The following VPS13B variants were observed in gnomAD, a reference collection of about 807,000 sequenced individuals.
VPS13B encodes vacuolar protein sorting 13 homolog B, also known as intermembrane lipid transfer protein VPS13B.
Under a neutral mutation model 426.4 loss-of-function variants are expected in VPS13B, and 285 were observed. That is an observed-to-expected ratio of 0.67 (90% CI 0.61 to 0.74). The LOEUF is 0.74. Ranked by LOEUF, VPS13B falls within the 30% of genes least tolerant of loss-of-function variation. VPS13B has a pLI of 0.00. For missense variants in VPS13B, 4,537 were observed against 4,782.6 expected (o/e 0.95, Z 1.51); for synonymous variants, 1,676 against 1,676.4 (o/e 1.00, Z 0.01).
intron 6 of VPS13B, among the ~76,000 whole-genome samples, chr8:99,114,838 A>G (rs905994719): frequency 6.6e-6 from 1 of 152,232 alleles, no homozygotes. Flanking sequence ...TAGTCAAAAT[A>G]AACCTTCTAA....
chr8:99,808,790 A>G (rs1417041862), intron 43 of VPS13B, among the ~76,000 whole-genome samples: 2 of 146,632 alleles, frequency 1.4e-5, no homozygotes, highest in African/African-American at 5.3e-5. Flanking sequence ...TACAATAAGT[A>G]CATAACAAAA....
At chr8:99,330,689 T>C (rs977909136) in intron 19 of VPS13B, among the ~76,000 whole-genome samples, 2 of 151,850 alleles carry the variant, frequency 1.3e-5, no homozygotes, top group African/African-American at 4.8e-5. Context: ...AAGTGGAGGA[T>C]TAGAAGGGCG....
intron 21 of VPS13B, among the ~76,000 whole-genome samples, chr8:99,420,190 C>CAAAT (rs1364133593): frequency 6.6e-6 from 1 of 152,064 alleles, no homozygotes; most frequent in Non-Finnish European, 1.5e-5. Flanking sequence ...TACAGCTGAA[C>CAAAT]AAATGTATCT....
chr8:99,035,164 C>CA (rs1391876799), intron 2 of VPS13B, among the ~76,000 whole-genome samples: 1 of 152,158 alleles, frequency 6.6e-6, no homozygotes, highest in East Asian at 1.9e-4. Flanking sequence ...GCCTGGGTGA[C>CA]AGAGTTAGAC....
intron 5 of VPS13B, among the ~76,000 whole-genome samples, chr8:99,108,083 T>C (rs1847141563): frequency 1.3e-5 from 2 of 152,204 alleles, no homozygotes; most frequent in Non-Finnish European, 2.9e-5. Context: ...CCACTTATAA[T>C]TGAGAACATG....
rs796294886 is a variant in VPS13B at position 99,622,461 on chromosome 8, A to G, written c.5221-19350A>G. On this transcript the variant is annotated intron_variant, in intron 33 of 61. Coordinates refer to ENST00000357162, the MANE Select transcript of VPS13B (RefSeq NM_152564.5). ...ATTTTCCTTAATGCTTAATTAGTAGACTAGAATTTCCAACTACCCCAGTGA... is the reference window on the plus strand; with the variant it reads ...ATTTTCCTTAATGCTTAATTAGTAGGCTAGAATTTCCAACTACCCCAGTGA... Among the ~76,000 whole-genome samples, 37 of 152,302 alleles carry G rather than the reference A, an allele frequency of 2.4e-4. 1 individual carries two copies. The highest frequency in any genetic ancestry group is 3.4e-3 in the Middle Eastern group (1 of 294).
chr8:99,521,419 T>G (rs1246031992), intron 30 of VPS13B, among the ~76,000 whole-genome samples: 1 of 152,212 alleles, frequency 6.6e-6, no homozygotes, highest in Non-Finnish European at 1.5e-5. Context: ...TGTAGGAATG[T>G]GGATGTCATA....
chr8:99,519,171 T>C (rs1822242256), intron 29 of VPS13B, among the ~76,000 whole-genome samples: 1 of 152,182 alleles, frequency 6.6e-6, no homozygotes, highest in South Asian at 2.1e-4. Context: ...CACTTTTTGA[T>C]GGGGTTGTTT....
chr8:99,428,769 T>TC (rs765256745), intron 21 of VPS13B, among the ~76,000 whole-genome samples: 7 of 152,160 alleles, frequency 4.6e-5, no homozygotes, highest in African/African-American at 7.2e-5. Context: ...GACCCAGCCA[T>TC]CCATTACTTG....
intron 19 of VPS13B, among the ~76,000 whole-genome samples, chr8:99,374,518 G>T (rs1727200334): frequency 6.6e-6 from 1 of 151,990 alleles, no homozygotes; most frequent in African/African-American, 2.4e-5. Context: ...TCTGGGACTG[G>T]TGTATTGATT....
At chr8:99,806,556 C>G (rs968170491) in intron 43 of VPS13B, among the ~76,000 whole-genome samples, 4 of 152,174 alleles carry the variant, frequency 2.6e-5, no homozygotes, top group African/African-American at 9.7e-5. Flanking sequence ...GGGCAAAGAA[C>G]ATATCTCTTC....
chr8:99,717,173 A>T lies in VPS13B; in HGVS notation c.6457A>T (p.Ile2153Leu), dbSNP rs771918634. Reference protein sequence around the residue: ...SVKATQKVPGIILGSSFLLSI... With the variant: ...SVKATQKVPGLILGSSFLLSI... ...ACTCTTCTGTATTTTTTTTTCAGGC[A>T]TAATTCTTGGGTCATCATTTCTACT... Residue 2153 changes from isoleucine to leucine, a missense_variant and splice_region_variant, in exon 37 of 62, where the codon ATA becomes TTA. Ile to Leu is a conservative substitution (Grantham distance 5). Coordinates refer to ENST00000357162, the MANE Select transcript of VPS13B (RefSeq NM_152564.5). The T allele has an allele frequency of 1.9e-6, 3 of 1,612,640 alleles. No homozygotes were observed. The highest frequency in any genetic ancestry group is 4.5e-5 in the East Asian group (2 of 44,854).
chr8:99,782,426 C>T (rs1482391201), intron 42 of VPS13B, among the ~76,000 whole-genome samples: 1 of 151,984 alleles, frequency 6.6e-6, no homozygotes, highest in African/African-American at 2.4e-5. Context: ...TTAACAAGTG[C>T]TCTGAAGGTG....
At chr8:99,590,837 A>G (rs1000510613) in intron 33 of VPS13B, among the ~76,000 whole-genome samples, 41 of 152,150 alleles carry the variant, frequency 2.7e-4, no homozygotes, top group Non-Finnish European at 8.8e-5. Flanking sequence ...GGAGTTACGT[A>G]GATGTCTATT....
chr8:99,740,667 T>A (rs536981776), intron 39 of VPS13B, among the ~76,000 whole-genome samples: 2 of 152,184 alleles, frequency 1.3e-5, no homozygotes, highest in Non-Finnish European at 2.9e-5. Context: ...GGGGCCAATA[T>A]TCAACATTCT....
rs531838948 is a variant in VPS13B, at chr8:99,362,203, C to T, written c.2825-22005C>T. ...TGTCGCCCAGGCTGGAGTGCAGTGG[C>T]GCGATCTGGCTCACTGCAAGCTCCG... On this transcript the variant is annotated intron_variant, in intron 19 of 61. Transcript: ENST00000357162. Among the ~76,000 whole-genome samples the T allele has an allele frequency of 6.8e-3, 933 of 138,146 alleles. 8 individuals are homozygous for T. Among genetic ancestry groups the T allele is most frequent in the African/African-American group, 0.024 (873 of 36,292 alleles). The allele number at this position is 138,146 out of a possible 152,430, so 90.6% of individuals were successfully genotyped here. A position where few individuals can be genotyped will look rare whatever the true frequency, so the allele number is the denominator to read the frequency against.
At chr8:99,090,786 A>G (rs1156877369) in intron 3 of VPS13B, among the ~76,000 whole-genome samples, 1 of 152,180 alleles carries the variant, frequency 6.6e-6, no homozygotes, top group Non-Finnish European at 1.5e-5. Flanking sequence ...TCAATAACCC[A>G]GTTCCCCCCA....
chr8:99,158,590 C>G (rs1420322833), intron 15 of VPS13B, among the ~76,000 whole-genome samples: 1 of 152,170 alleles, frequency 6.6e-6, no homozygotes, highest in Non-Finnish European at 1.5e-5. Flanking sequence ...TGCTCATCTA[C>G]CATTCTGAAA....
intron 23 of VPS13B, among the ~76,000 whole-genome samples, chr8:99,457,620 T>C (rs1399967809): frequency 6.6e-6 from 1 of 152,140 alleles, no homozygotes; most frequent in African/African-American, 2.4e-5. Context: ...ATTTTCTTTT[T>C]TTAATAGCTT....
Sources: gnomAD v4.1 joint callset for allele counts (sites outside exome capture counted in the v4.1 genomes callset) on GRCh38, gnomAD v4.1.1 for gene constraint, MANE v1.5 for transcripts, NCBI Gene and HGNC (gene_info 2026-07-23, HGNC 2026-07-21) for gene names.